The following RGS6 variants were observed in gnomAD, a reference collection of about 807,000 sequenced individuals.
RGS6 encodes regulator of G protein signaling 6.
A neutral mutation model predicts 78.5 loss-of-function variants in RGS6; 30 were observed. The ratio of observed to expected loss-of-function variants is 0.38; its 90% CI spans 0.29 to 0.52. The LOEUF (loss-of-function observed/expected upper bound fraction) is 0.52, where lower values mean the gene tolerates loss of function less well. Among genes scored for constraint, RGS6 ranks in the 20% least tolerant of loss-of-function variants. RGS6 has a pLI of 0.85. For missense variants in RGS6, 495 were observed against 609.7 expected (o/e 0.81, Z 1.98); for synonymous variants, 206 against 206.0 (o/e 1.00, Z 0.00).
chr14:72,562,627 G>C lies in RGS6; in HGVS notation c.*160G>C. ...GCGATGGTGGGGAGACTCGGTGGGT[G>C]AATGGGGAGACCAGAAAGAAAGAGT... is the stretch of plus-strand genomic sequence containing the variant. On this transcript the variant is annotated 3_prime_UTR_variant, in exon 18 of 18. Coordinates refer to ENST00000553525, the MANE Select transcript of RGS6 (RefSeq NM_001204424.2). The C allele has an allele frequency of 6.5e-7, 1 of 1,534,972 alleles. No individual in the cohort carries two copies.
the RGS6 span, among the ~76,000 whole-genome samples, chr14:72,623,584 G>C: frequency 3.9e-5 from 6 of 152,186 alleles, no homozygotes; most frequent in African/African-American, 9.7e-5. Context: ...GAGTAATTAT[G>C]TTGGTATTAT....
chr14:72,629,551 C>A, the RGS6 span: 1 of 1,381,850 alleles, frequency 7.2e-7, no homozygotes, highest in South Asian at 1.2e-5. Flanking sequence ...AAGAGTCCTT[C>A]CTTCCTCTTC....
chr14:72,523,869 A>G (rs1248691739), intron 15 of RGS6, among the ~76,000 whole-genome samples: 1 of 152,048 alleles, frequency 6.6e-6, no homozygotes, highest in African/African-American at 2.4e-5. Flanking sequence ...TATGCTATGG[A>G]TTTAATTCTC....
intron 2 of RGS6, among the ~76,000 whole-genome samples, chr14:72,283,530 T>C (rs532104440): frequency 1.3e-5 from 2 of 152,320 alleles, no homozygotes; most frequent in African/African-American, 4.8e-5. Flanking sequence ...GGTTTTCCCT[T>C]TCCCTTGGCT....
chr14:72,283,866 C>G (rs1228467318), intron 2 of RGS6, among the ~76,000 whole-genome samples: 1 of 152,158 alleles, frequency 6.6e-6, no homozygotes, highest in African/African-American at 2.4e-5. Flanking sequence ...TTCCTAGAGA[C>G]TTGTTGAATG....
intron 2 of RGS6, among the ~76,000 whole-genome samples, chr14:72,244,488 C>T (rs551921463): frequency 6.6e-5 from 10 of 152,262 alleles, no homozygotes; most frequent in East Asian, 5.8e-4. Flanking sequence ...GTGACTGCAC[C>T]GGATCTTAGT....
Position 72,495,240 on chromosome 14 carries a change from G to A in RGS6, c.943G>A (p.Ala315Thr), listed in dbSNP as rs1359315919. ...PSNPWISDDV[A>T]LWDIEMSKEP... ...CAACCCTTGGATCAGCGATGACGTT[G>A]CTTTGTGGGACATAGAGATGAGGTA... is the stretch of plus-strand genomic sequence containing the variant. The change falls in exon 13 of 18, where the codon GCT (alanine) becomes ACT (threonine). Residue 315 changes from alanine to threonine, a missense_variant. Ala to Thr is a moderately conservative substitution (Grantham distance 58). Coordinates refer to ENST00000553525, the MANE Select transcript of RGS6 (RefSeq NM_001204424.2). The A allele has an allele frequency of 3.1e-6, 5 of 1,612,654 alleles. No homozygotes were observed. Among genetic ancestry groups the A allele is most frequent in the Non-Finnish European group, 4.2e-6 (5 of 1,178,816 alleles).
intron 2 of RGS6, among the ~76,000 whole-genome samples, chr14:72,344,396 C>G (rs1284936769): frequency 1.3e-5 from 2 of 152,240 alleles, no homozygotes; most frequent in East Asian, 3.9e-4. Context: ...GCCTTTGGAG[C>G]TTTTCCTTGA....
intron 3 of RGS6, among the ~76,000 whole-genome samples, chr14:72,357,521 T>C (rs976237042): frequency 2.0e-5 from 3 of 152,260 alleles, no homozygotes; most frequent in Admixed American, 1.3e-4. Flanking sequence ...CAGATGGAGA[T>C]GAGAAACTTG....
intron 2 of RGS6, among the ~76,000 whole-genome samples, chr14:72,094,535 TTTA>T (rs1470373392): frequency 6.6e-6 from 1 of 152,184 alleles, no homozygotes; most frequent in Non-Finnish European, 1.5e-5. Flanking sequence ...ATTTATGAAA[TTTA>T]TTATCCATCA....
chr14:72,193,068 C>T lies in RGS6; in HGVS notation c.85-159027C>T, dbSNP rs572866597. 2.0e-4 allele frequency among the ~76,000 whole-genome samples: 31 copies of T among 151,596 alleles called. No homozygotes were observed. In the South Asian group the frequency reaches 6.5e-3, roughly 32 times the overall value. On this transcript the variant is annotated intron_variant, in intron 2 of 17. Transcript: ENST00000553525. Reference sequence around the variant, plus strand: ...AGTGCAGTGGCACAATCTCAGCTCACTGCAACCTCCGCCTCCTGAGTTTCA... The same window carrying T: ...AGTGCAGTGGCACAATCTCAGCTCATTGCAACCTCCGCCTCCTGAGTTTCA...
intron 2 of RGS6, among the ~76,000 whole-genome samples, chr14:72,262,506 A>G (rs979383886): frequency 2.0e-5 from 3 of 152,150 alleles, no homozygotes; most frequent in African/African-American, 7.2e-5. Flanking sequence ...TTATGACCAT[A>G]GTTAACTTCC....
At chr14:72,152,703 A>C (rs1035215199) in intron 2 of RGS6, among the ~76,000 whole-genome samples, 2 of 152,070 alleles carry the variant, frequency 1.3e-5, no homozygotes, top group Non-Finnish European at 2.9e-5. Context: ...GATGGGGCAT[A>C]TTTAGAAGTT....
the RGS6 span, among the ~76,000 whole-genome samples, chr14:72,580,117 A>C: frequency 1.2e-3 from 185 of 152,300 alleles, no homozygotes; most frequent in African/African-American, 4.3e-3. Context: ...CCAACCTCTT[A>C]ATTCAGTGCT....
intron 14 of RGS6, chr14:72,515,719 C>T (rs562371157): frequency 1.2e-4 from 19 of 152,344 alleles, no homozygotes; most frequent in African/African-American, 4.3e-4. Flanking sequence ...ATCTCTATAT[C>T]CAGCTGAGTG....
chr14:72,554,740 G>T (rs555023595), intron 17 of RGS6, among the ~76,000 whole-genome samples: 189 of 152,334 alleles, frequency 1.2e-3, no homozygotes, highest in African/African-American at 4.5e-3. Context: ...TCAGATGAGA[G>T]GAGGGAGAGA....
At chr14:71,886,203 A>G in the RGS6 span, among the ~76,000 whole-genome samples, 1 of 152,302 alleles carries the variant, frequency 6.6e-6, no homozygotes, top group Non-Finnish European at 1.5e-5. Context: ...CAGCCTAAAT[A>G]TTGCCTTTTT....
chr14:72,540,416 A>G lies in RGS6; in HGVS notation c.1422+322A>G, dbSNP rs543142768. On this transcript the variant is annotated intron_variant, in intron 17 of 17. Transcript: ENST00000553525. ...GCCCTCGGGGCTGTGCGGTTTGTGCATCTTCTGCAGCAGCTCAGGGAGAAG... is the reference window on the plus strand; with the variant it reads ...GCCCTCGGGGCTGTGCGGTTTGTGCGTCTTCTGCAGCAGCTCAGGGAGAAG... The G allele has an allele frequency of 7.6e-5, 111 of 1,467,992 alleles. No homozygotes were observed. In the African/African-American group the frequency reaches 1.5e-3, roughly 20 times the overall value. 90.9% of individuals were successfully genotyped at this position (1,467,992 alleles called of 1,614,324 possible). A position where few individuals can be genotyped will look rare whatever the true frequency, so the allele number is the denominator to read the frequency against.
chr14:72,129,373 A>C (rs932703906), intron 2 of RGS6, among the ~76,000 whole-genome samples: 2 of 152,258 alleles, frequency 1.3e-5, no homozygotes, highest in Admixed American at 6.5e-5. Flanking sequence ...TTGTTTAATG[A>C]ATAAACAAAT....
Sources: gnomAD v4.1 joint callset for allele counts (sites outside exome capture counted in the v4.1 genomes callset) on GRCh38, gnomAD v4.1.1 for gene constraint, MANE v1.5 for transcripts, NCBI Gene and HGNC (gene_info 2026-07-23, HGNC 2026-07-21) for gene names.